Variants in PRH1 observed in about 807,000 individuals in gnomAD.
PRH1 encodes proline rich protein HaeIII subfamily 1, also known as salivary acidic proline-rich phosphoprotein 1/2.
A neutral mutation model predicts 7.9 loss-of-function variants in PRH1; 7 were observed. The ratio of observed to expected loss-of-function variants is 0.89; its 90% confidence interval spans 0.50 to 1.67. PRH1 has a LOEUF of 1.67. Ranked by LOEUF, PRH1 falls within the 40% of genes most tolerant of loss-of-function variation. The pLI is 0.00. For synonymous variants in PRH1, 45 were observed against 80.8 expected, an observed-to-expected ratio of 0.56 and a Z score of 2.38; for missense variants, 109 against 223.6, an observed-to-expected ratio of 0.49 and a Z score of 3.27.
At chr12:11,073,489 A>G (rs1443997886) in intron 1 of PRH1, among the ~76,000 whole-genome samples, 1 of 149,710 alleles carries the variant, frequency 6.7e-6, no homozygotes, top group East Asian at 1.9e-4. Context: ...TCTTATCACT[A>G]AAAGAGAAGC....
At chr12:11,170,963 GCAGA>G (rs753638486) in intron 1 of PRH1, among the ~76,000 whole-genome samples, 10 of 152,344 alleles carry the variant, frequency 6.6e-5, no homozygotes, top group East Asian at 3.9e-4. Context: ...ACATAACACA[GCAGA>G]CAAACTAAAG....
At chr12:10,940,135 A>C (rs1055937900) in intron 2 of PRH1, among the ~76,000 whole-genome samples, 1 of 152,180 alleles carries the variant, frequency 6.6e-6, no homozygotes, top group Non-Finnish European at 1.5e-5. Flanking sequence ...TGTGGAAGAC[A>C]TTATTCCTAG....
At position 10,882,624 on chromosome 12, in the gene PRH1, A is replaced by G. The variant is rs1949423328; in HGVS notation, c.175T>C (p.Ser59Pro). The G allele has an allele frequency of 6.2e-7, 1 of 1,611,484 alleles. No individual in the cohort carries two copies. Among genetic ancestry groups the G allele is most frequent in the Non-Finnish European group, 8.5e-7 (1 of 1,179,180 alleles). The change falls in exon 3 of 4, where the codon TCT becomes CCT. Residue 59 changes from serine (S) to proline (P), a missense_variant. Ser to Pro is a moderately conservative substitution (Grantham distance 74). Coordinates refer to ENST00000543626, the MANE Select transcript of PRH1 (RefSeq NM_001393989.1). Reference sequence around the variant, plus strand: ...TCATCCTGGTTCCCATCACCAGCAGAGGGTTGAGATTGCTGTCCTCCCAAA... The same window carrying G: ...TCATCCTGGTTCCCATCACCAGCAGGGGGTTGAGATTGCTGTCCTCCCAAA... ...PPLGGQQSQP[S>P]AGDGNQDDGP...
chr12:11,128,785 G>A (rs1189080626), intron 1 of PRH1, among the ~76,000 whole-genome samples: 2 of 151,830 alleles, frequency 1.3e-5, no homozygotes, highest in South Asian at 2.1e-4. Flanking sequence ...AACTTTCATT[G>A]GTTAGTTTTG....
At chr12:10,977,237 A>T (rs543800761) in intron 1 of PRH1, among the ~76,000 whole-genome samples, 1 of 152,114 alleles carries the variant, frequency 6.6e-6, no homozygotes, top group Non-Finnish European at 1.5e-5. Flanking sequence ...AGGCTTTATC[A>T]CTAACATACA....
intron 1 of PRH1, among the ~76,000 whole-genome samples, chr12:11,160,544 C>T (rs1443117768): frequency 6.6e-6 from 1 of 152,154 alleles, no homozygotes; most frequent in Non-Finnish European, 1.5e-5. Context: ...AATCTCAGCT[C>T]ACTGCAACCT....
intron 1 of PRH1, among the ~76,000 whole-genome samples, chr12:11,012,570 C>A (rs1019261572): frequency 2.6e-5 from 4 of 152,026 alleles, no homozygotes; most frequent in African/African-American, 9.7e-5. Context: ...TTCCACTTTT[C>A]CTTTTTTGTT....
intron 2 of PRH1, among the ~76,000 whole-genome samples, chr12:10,970,711 C>G (rs1297778953): frequency 6.6e-6 from 1 of 151,968 alleles, no homozygotes; most frequent in Non-Finnish European, 1.5e-5. Context: ...ATTACAGGAG[C>G]CCGCCACCAC....
intron 1 of PRH1, among the ~76,000 whole-genome samples, chr12:11,037,359 T>C (rs1341064385): frequency 6.6e-6 from 1 of 152,226 alleles, no homozygotes; most frequent in Non-Finnish European, 1.5e-5. Context: ...GCTAAATATG[T>C]TTTATACGTT....
chr12:11,020,180 T>G (rs375583271), intron 1 of PRH1, among the ~76,000 whole-genome samples: 2,134 of 62,814 alleles, frequency 0.034, no homozygotes, highest in African/African-American at 0.039. Flanking sequence ...GAGCTTCATT[T>G]TCACTGATTT....
intron 1 of PRH1, among the ~76,000 whole-genome samples, chr12:11,036,047 C>A (rs947706334): frequency 6.6e-6 from 1 of 152,132 alleles, no homozygotes; most frequent in African/African-American, 2.4e-5. Context: ...GAGCCTGCCA[C>A]AACGCCTGGC....
chr12:10,941,631 A>G (rs1467390781), intron 2 of PRH1, among the ~76,000 whole-genome samples: 1 of 151,582 alleles, frequency 6.6e-6, no homozygotes, highest in Admixed American at 6.6e-5. Flanking sequence ...TTCTTGTATC[A>G]TATTTTTGGA....
chr12:10,896,578 A>C (rs1591655582), intron 2 of PRH1, among the ~76,000 whole-genome samples: 1 of 152,084 alleles, frequency 6.6e-6, no homozygotes. Context: ...CCTGGCCAAC[A>C]TGGTGAAACC....
chr12:11,055,809 T>C (rs138780447), intron 1 of PRH1, among the ~76,000 whole-genome samples: 2 of 152,364 alleles, frequency 1.3e-5, no homozygotes, highest in Admixed American at 6.5e-5. Flanking sequence ...TACACTGTTA[T>C]ATGCAGCTCG....
At chr12:10,952,403 C>G (rs916436978) in intron 2 of PRH1, among the ~76,000 whole-genome samples, 3 of 152,092 alleles carry the variant, frequency 2.0e-5, no homozygotes, top group African/African-American at 2.4e-5. Context: ...TCACAGAAAG[C>G]TTTTTCTGCA....
At chr12:11,047,689 G>T (rs1942957618), upstream of PRH1, among the ~76,000 whole-genome samples, 1 of 150,952 alleles carries the variant, frequency 6.6e-6, no homozygotes, top group Admixed American at 6.6e-5. Flanking sequence ...GTATCCTTTA[G>T]AACAGTTTTT....
chr12:11,001,122 A>T lies in PRH1; in HGVS notation c.-125-27401T>A, dbSNP rs548837360. Reference sequence around the variant, plus strand: ...GTCTACACATCCTTCCGCAAGTTGGAAGAACCTGGAAATTGATGTGATGTT... The same window carrying T: ...GTCTACACATCCTTCCGCAAGTTGGTAGAACCTGGAAATTGATGTGATGTT... On this transcript the variant is annotated intron_variant, in intron 1 of 3. Transcript: ENST00000539853. 2.4e-4 allele frequency among the ~76,000 whole-genome samples: 37 copies of T among 152,172 alleles called. No homozygotes were observed. In the East Asian group the frequency reaches 6.4e-3, roughly 26 times the overall value.
rs1195614744 is a variant in PRH1 at position 11,133,809 on chromosome 12, C to A, written n.40-12629G>T. 1 of 1,614,120 alleles carries A rather than the reference C, an allele frequency of 6.2e-7. No individual in the cohort carries two copies. The highest frequency in any genetic ancestry group is 1.7e-5 in the Admixed American group (1 of 60,014). On this transcript the variant is annotated intron_variant and non_coding_transcript_variant, in intron 1 of 1. Transcript: ENST00000541175. Reference sequence around the variant, plus strand: ...CATACAGTCTCATCCATGTTTATCACAAAAAGATGACAAACCAAAAATAGC... The same window carrying A: ...CATACAGTCTCATCCATGTTTATCAAAAAAAGATGACAAACCAAAAATAGC...
At chr12:11,113,013 C>T (rs1945634084) in intron 1 of PRH1, among the ~76,000 whole-genome samples, 1 of 152,082 alleles carries the variant, frequency 6.6e-6, no homozygotes, top group Non-Finnish European at 1.5e-5. Flanking sequence ...AACAGACAAA[C>T]AGAGAGCCAA....
Sources: allele counts gnomAD v4.1 joint callset (sites outside exome capture counted in the v4.1 genomes callset), GRCh38; gene constraint gnomAD v4.1.1; transcripts MANE v1.5; gene names NCBI Gene and HGNC (gene_info 2026-07-23, HGNC 2026-07-21).